Variants in CAD observed in about 807,000 individuals in gnomAD.
CAD encodes the protein carbamoyl-phosphate synthetase 2, aspartate transcarbamylase, and dihydroorotase, also known as multifunctional protein CAD.
CAD carries 81 observed loss-of-function variants against 237.2 expected under a neutral mutation model. The ratio of observed to expected loss-of-function variants is 0.34; its 90% CI spans 0.29 to 0.41. The LOEUF (loss-of-function observed/expected upper bound fraction) is 0.41. Ranked by LOEUF, CAD falls within the 10% of genes least tolerant of loss-of-function variation. The pLI, the probability that CAD is intolerant of heterozygous loss-of-function variation, is 1.00. For synonymous variants in CAD, 1,196 were observed against 1,162.8 expected (o/e 1.03, Z -0.58); for missense variants, 2,181 against 2,951.7 (o/e 0.74, Z 6.05).
intron 7 of CAD, 81 bp downstream of exon 7, chr2:27,223,829 C>T: frequency 6.4e-7 from 1 of 1,558,080 alleles, no homozygotes; most frequent in Non-Finnish European, 8.8e-7. Context: ...GGCAGTGGAT[C>T]CGAGTCCCCT....
In CAD at chr2:27,236,284, G is replaced by A. The variant is rs2148084171; in HGVS notation, c.4075G>A (p.Val1359Ile). 1 of 1,613,034 alleles carries A rather than the reference G, an allele frequency of 6.2e-7. No individual in the cohort carries two copies. The highest frequency in any genetic ancestry group is 1.7e-5 in the Admixed American group (1 of 60,010). The change falls in exon 26 of 44, where the codon GTA becomes ATA. Residue 1359 changes from valine to isoleucine, a missense_variant and splice_region_variant. Around this residue, in one of 12 missense-constraint regions of CAD, gnomAD observed 306 missense variants for 607.9 expected, o/e 0.50. Coordinates refer to ENST00000264705, the MANE Select transcript of CAD (RefSeq NM_004341.5). The surrounding 1 kb of genome is among the most constrained non-coding windows in gnomAD (Gnocchi z 4.1). Reference sequence around the variant, plus strand: ...CCTGACCTTGACTCCGGGTTGGCAGGTAACAGCTGTGGACTGGCACTTTGA... The same window carrying A: ...CCTGACCTTGACTCCGGGTTGGCAGATAACAGCTGTGGACTGGCACTTTGA... Reference protein sequence around the residue: ...ADFYTEHGVKVTAVDWHFEEA... With the variant: ...ADFYTEHGVKITAVDWHFEEA...
In CAD at chr2:27,232,264, G is replaced by A; in HGVS notation, c.2645+40G>A. The stretch of plus-strand genomic sequence containing the variant: ...TGAGAGCTTCCGGCTGGGAAATGTG[G>A]GGCAGAACCTTTGTATCAGTGAGGG... On this transcript the variant is annotated intron_variant, in intron 17 of 43. Transcript: ENST00000264705. The surrounding 1 kb of genome is among the most constrained non-coding windows in gnomAD (Gnocchi z 4.1). The A allele has an allele frequency of 1.9e-6, 3 of 1,609,002 alleles. No individual in the cohort carries two copies.
chr2:27,235,412 C>T lies in CAD; in HGVS notation c.3954C>T (p.Thr1318=), dbSNP rs777282666. The T allele has an allele frequency of 4.0e-5, 64 of 1,611,076 alleles. No individual in the cohort carries two copies. Among genetic ancestry groups the T allele is most frequent in the Non-Finnish European group, 5.2e-5 (61 of 1,178,072 alleles). ...FKIPKKNILL[T]IGSYKNKSEL... ...TCCCCAAGAAGAATATCCTGCTGAC[C>T]ATTGGCAGCTATAAGGTATCAGAAT... is the stretch of plus-strand genomic sequence containing the variant. The change falls in exon 24 of 44, where the codon ACC becomes ACT. Residue 1318 remains threonine, a synonymous_variant. Coordinates refer to ENST00000264705, the MANE Select transcript of CAD (RefSeq NM_004341.5). The surrounding 1 kb of genome is among the most constrained non-coding windows in gnomAD (Gnocchi z 5.2).
Position 27,241,750 on chromosome 2 carries a change from A to C in CAD, c.5884-161A>C, listed in dbSNP as rs1456464712. Among the ~76,000 whole-genome samples the C allele has an allele frequency of 1.3e-5, 2 of 152,182 alleles. No individual in the cohort carries two copies. Among genetic ancestry groups the C allele is most frequent in the African/African-American group, 2.4e-5 (1 of 41,442 alleles). Reference sequence around the variant, plus strand: ...AGAGCCTTTAGCTCAGAGTGACACCAGTGGTGGAAACGTCAAGGCTCTGAC... The same window carrying C: ...AGAGCCTTTAGCTCAGAGTGACACCCGTGGTGGAAACGTCAAGGCTCTGAC... On this transcript the variant is annotated intron_variant, in intron 38 of 43. Coordinates refer to ENST00000264705, the MANE Select transcript of CAD (RefSeq NM_004341.5). This position sits in a 1 kb window ranked among gnomAD's most constrained non-coding sequence, Gnocchi z 4.6.
chr2:27,236,514 CTT>C lies in CAD; in HGVS notation c.4307_4308del (p.Phe1436CysfsTer18). On this transcript the variant is annotated frameshift_variant, in exon 26 of 44. Transcript: ENST00000264705. LOFTEE classifies it high-confidence loss of function. This position sits in a 1 kb window ranked among gnomAD's most constrained non-coding sequence, Gnocchi z 4.1. ...TCATCGATATCAAGTGCACCAAACT[CTT>C]TGTGGAGGTAACTGAGACCCATGTG... is the stretch of plus-strand genomic sequence containing the variant. ...LIIDIKCTKL[F>X]VEALGQIGPA... 1.2e-6 allele frequency: 2 copies of C among 1,611,644 alleles called. No homozygotes were observed. The highest frequency in any genetic ancestry group is 1.7e-6 in the Non-Finnish European group (2 of 1,180,000).
intron 15 of CAD, 132 bp downstream of exon 15, chr2:27,227,094 A>G (rs1675478882): frequency 1.5e-5 from 11 of 741,152 alleles, no homozygotes; most frequent in African/African-American, 3.5e-5. Flanking sequence ...CTAAGATTAT[A>G]GTCCTTGTCA....
chr2:27,235,256 C>A lies in CAD; in HGVS notation c.3798C>A (p.Phe1266Leu). The A allele has an allele frequency of 6.2e-7, 1 of 1,607,654 alleles. No homozygotes were observed. Among genetic ancestry groups the A allele is most frequent in the Non-Finnish European group, 8.5e-7 (1 of 1,176,814 alleles). The change falls in exon 24 of 44, where the codon TTC (phenylalanine) becomes TTA (leucine). Residue 1266 changes from phenylalanine to leucine, a missense_variant. By Grantham distance (22) the Phe-to-Leu change is conservative. Transcript: ENST00000264705. This position sits in a 1 kb window ranked among gnomAD's most constrained non-coding sequence, Gnocchi z 5.2. Reference protein sequence around the residue: ...SGVVGVKVPQFSFSRLAGADV... With the variant: ...SGVVGVKVPQLSFSRLAGADV... ...TCCCGCCCCTTTAGGTGCCTCAGTT[C>A]TCCTTCTCCCGCTTGGCGGGTGCTG...
At chr2:27,221,548 AATC>A (rs1247874781) in intron 3 of CAD, among the ~76,000 whole-genome samples, 1 of 152,142 alleles carries the variant, frequency 6.6e-6, no homozygotes, top group Non-Finnish European at 1.5e-5. Context: ...CACCTTCCAT[AATC>A]ATCAGCTTAG....
chr2:27,220,620 C>G (rs1466572118), intron 2 of CAD, among the ~76,000 whole-genome samples: 1 of 150,060 alleles, frequency 6.7e-6, no homozygotes, highest in South Asian at 2.1e-4. Context: ...CCACTGTACT[C>G]TGCACTCCAG....
At chr2:27,223,445 A>AC in intron 6 of CAD, 118 bp from the exon 7 acceptor site, 1 of 975,442 alleles carries the variant, frequency 1.0e-6, no homozygotes, top group Non-Finnish European at 1.5e-6. Context: ...AAAAAAAAAA[A>AC]ACAAAAAGGA....
At chr2:27,224,642 G>A in intron 9 of CAD, 103 bp from the exon 10 acceptor site, 1 of 1,547,086 alleles carries the variant, frequency 6.5e-7, no homozygotes, top group Non-Finnish European at 8.8e-7. Context: ...AATTATTAGG[G>A]GCCAAGAGTA....
At position 27,235,538 on chromosome 2, in the gene CAD, C is replaced by T; in HGVS notation, c.3972C>T (p.Asn1324=). The T allele has an allele frequency of 1.2e-6, 2 of 1,614,086 alleles. No homozygotes were observed. The highest frequency in any genetic ancestry group is 1.7e-6 in the Non-Finnish European group (2 of 1,179,988). ...TTCATCCTTCTGTTTGGTTTCAGAA[C>T]AAAAGCGAGCTGCTCCCAACTGTGC... ...NILLTIGSYK[N]KSELLPTVRL... is the part of the protein sequence containing the mutation. The change falls in exon 25 of 44, where the codon AAC becomes AAT. Residue 1324 remains asparagine (N), a splice_region_variant and synonymous_variant. Coordinates refer to ENST00000264705, the MANE Select transcript of CAD (RefSeq NM_004341.5). The surrounding 1 kb of genome is among the most constrained non-coding windows in gnomAD (Gnocchi z 5.2).
At position 27,241,258 on chromosome 2, in the gene CAD, A is replaced by C. The variant is rs1486214203; in HGVS notation, c.5808+31A>C. On this transcript the variant is annotated intron_variant, in intron 37 of 43. Coordinates refer to ENST00000264705, the MANE Select transcript of CAD (RefSeq NM_004341.5). This position sits in a 1 kb window ranked among gnomAD's most constrained non-coding sequence, Gnocchi z 4.6. ...TGGGGCAGGGAGGATGGGACCACCC[A>C]GAGCTTTGAGGATTTGGAAAGCTGG... 6.2e-7 allele frequency: 1 copy of C among 1,613,598 alleles called. No homozygotes were observed. The highest frequency in any genetic ancestry group is 8.5e-7 in the Non-Finnish European group (1 of 1,179,684).
In CAD at chr2:27,224,337, T is replaced by C. The variant is rs371680576; in HGVS notation, c.1109-8T>C. 274 of 1,614,058 alleles carry C rather than the reference T, an allele frequency of 1.7e-4. No individual in the cohort carries two copies. Among genetic ancestry groups the C allele is most frequent in the Non-Finnish European group, 5.5e-5 (65 of 1,180,028 alleles). Reference sequence around the variant, plus strand: ...TCTAACATTCTACGACCTTCTTTGCTTCCACAGTTAGAGAGCGGCTGACTG... The same window carrying C: ...TCTAACATTCTACGACCTTCTTTGCCTCCACAGTTAGAGAGCGGCTGACTG... On this transcript the variant is annotated splice_polypyrimidine_tract_variant and splice_region_variant and intron_variant, in intron 8 of 43. Coordinates refer to ENST00000264705, the MANE Select transcript of CAD (RefSeq NM_004341.5).
chr2:27,234,311 C>A, intron 22 of CAD, 85 bp downstream of exon 22: 1 of 1,323,664 alleles, frequency 7.6e-7, no homozygotes, highest in Non-Finnish European at 1.1e-6. Context: ...CCTGCACTGT[C>A]TCCTGCCTTC....
intron 42 of CAD, 94 bp from the exon 43 acceptor site, chr2:27,243,104 T>C: frequency 7.3e-7 from 1 of 1,370,144 alleles, no homozygotes; most frequent in Non-Finnish European, 1.0e-6. Context: ...TAGCTGCATG[T>C]GGGTGTGGAG....
intron 23 of CAD, 136 bp downstream of exon 23, chr2:27,234,821 T>C (rs969869959): frequency 3.6e-6 from 3 of 843,870 alleles, no homozygotes; most frequent in Non-Finnish European, 5.5e-6. Context: ...GAGGTGGTCA[T>C]TGTCCCTTAA....
chr2:27,219,881 G>A (rs1289680580), intron 2 of CAD, among the ~76,000 whole-genome samples: 1 of 152,122 alleles, frequency 6.6e-6, no homozygotes, highest in Non-Finnish European at 1.5e-5. Flanking sequence ...GAGCCACCGC[G>A]CCTGGCCTTT....
intron 2 of CAD, among the ~76,000 whole-genome samples, chr2:27,219,055 GAC>G (rs1352078605): frequency 2.6e-5 from 4 of 152,144 alleles, no homozygotes; most frequent in African/African-American, 9.7e-5. Flanking sequence ...GTCAACTCTA[GAC>G]ACACTGACTA....
Sources: gnomAD v4.1 joint callset for allele counts (sites outside exome capture counted in the v4.1 genomes callset) on GRCh38, gnomAD v4.1.1 for gene constraint, gnomAD v4.1.1 regional missense constraint, Gnocchi (gnomAD v3.1) non-coding constraint, MANE v1.5 for transcripts, NCBI Gene and HGNC (gene_info 2026-07-23, HGNC 2026-07-21) for gene names.